The following KHDRBS2 variants were observed in gnomAD, a reference collection of about 807,000 sequenced individuals.
KHDRBS2 encodes KH domain-containing, RNA-binding, signal transduction-associated protein 2.
In KHDRBS2, 26 loss-of-function variants were observed where a neutral mutation model predicts 44.3. The observed-to-expected ratio is 0.59, with a 90% CI of 0.43 to 0.81. KHDRBS2 has a LOEUF of 0.81. Among genes scored for constraint, KHDRBS2 ranks in the 40% least tolerant of loss-of-function variants. The pLI, the probability that KHDRBS2 is intolerant of heterozygous loss-of-function variation, is 0.00. For synonymous variants in KHDRBS2, 194 were observed against 151.1 expected (o/e 1.28, Z -2.08); for missense variants, 476 against 433.1 (o/e 1.10, Z -0.88).
rs574498506 is a variant in KHDRBS2 at position 62,093,181 on chromosome 6, T to A, written c.220-45187A>T. ...CAACAATATGTACAATAAAACAGGA[T>A]AAAACTAAGAAAATGGAGAAATTAT... is the stretch of plus-strand genomic sequence containing the variant. On this transcript the variant is annotated intron_variant, in intron 2 of 8. Transcript: ENST00000281156. 1.8e-3 allele frequency among the ~76,000 whole-genome samples: 260 copies of A among 144,784 alleles called. 1 individual carries two copies. The highest frequency in any genetic ancestry group is 6.2e-3 in the African/African-American group (243 of 39,140). 95.0% of individuals were successfully genotyped at this position (144,784 alleles called of 152,430 possible).
intron 6 of KHDRBS2, among the ~76,000 whole-genome samples, chr6:61,780,547 A>C (rs1243235000): frequency 6.6e-6 from 1 of 151,870 alleles, no homozygotes; most frequent in Non-Finnish European, 1.5e-5. Flanking sequence ...ACAGCAAAAA[A>C]CACTTGCTGG....
chr6:61,942,003 C>T (rs1260096114), intron 4 of KHDRBS2, among the ~76,000 whole-genome samples: 1 of 151,928 alleles, frequency 6.6e-6, no homozygotes, highest in African/African-American at 2.4e-5. Flanking sequence ...TTCTGTGACC[C>T]AGGCTGGAGT....
intron 6 of KHDRBS2, among the ~76,000 whole-genome samples, chr6:61,812,242 C>G (rs1249714298): frequency 6.6e-6 from 1 of 151,572 alleles, no homozygotes; most frequent in African/African-American, 2.4e-5. Context: ...TTAAAATAAC[C>G]CATGTGATTT....
At chr6:62,237,302 T>C (rs1281462484) in intron 1 of KHDRBS2, among the ~76,000 whole-genome samples, 5 of 152,218 alleles carry the variant, frequency 3.3e-5, no homozygotes, top group African/African-American at 1.2e-4. Flanking sequence ...GGTTGTGTTA[T>C]ATAAATATAA....
chr6:61,643,748 G>A, the KHDRBS2 span, among the ~76,000 whole-genome samples: 2 of 152,168 alleles, frequency 1.3e-5, no homozygotes, highest in African/African-American at 2.4e-5. Context: ...CAGCCCACTA[G>A]GAAGGTGAAA....
chr6:61,970,231 A>G (rs1410718623), intron 4 of KHDRBS2, among the ~76,000 whole-genome samples: 1 of 151,884 alleles, frequency 6.6e-6, no homozygotes, highest in Admixed American at 6.6e-5. Context: ...TCATTATTGA[A>G]CTCCCATGTT....
intron 3 of KHDRBS2, among the ~76,000 whole-genome samples, chr6:62,000,959 A>G (rs1295926109): frequency 1.3e-5 from 2 of 152,202 alleles, no homozygotes; most frequent in African/African-American, 4.8e-5. Flanking sequence ...AATAGTTCAA[A>G]AGAAAAATTA....
chr6:62,012,228 C>A (rs578199866), intron 3 of KHDRBS2, among the ~76,000 whole-genome samples: 1 of 152,166 alleles, frequency 6.6e-6, no homozygotes, highest in Non-Finnish European at 1.5e-5. Flanking sequence ...TCCTCATTAA[C>A]TATACCTCAG....
intron 6 of KHDRBS2, among the ~76,000 whole-genome samples, chr6:61,855,259 T>C (rs1311916539): frequency 6.6e-6 from 1 of 152,126 alleles, no homozygotes. Context: ...TGTTAGGATA[T>C]GAAGATCATT....
Position 62,116,884 on chromosome 6 carries a change from C to T in KHDRBS2, c.219+60301G>A, listed in dbSNP as rs374150312. 6.6e-5 allele frequency among the ~76,000 whole-genome samples: 10 copies of T among 152,218 alleles called. No homozygotes were observed. In the East Asian group the frequency reaches 1.9e-3, roughly 29 times the overall value. On this transcript the variant is annotated intron_variant, in intron 2 of 8. Transcript: ENST00000281156. ...ACCATATTAGTCTTTCCATGCCTGGCTTTTTTCACTTAATATAATGACCTC... is the reference window on the plus strand; with the variant it reads ...ACCATATTAGTCTTTCCATGCCTGGTTTTTTTCACTTAATATAATGACCTC...
chr6:62,138,950 C>T (rs768601162), intron 2 of KHDRBS2, among the ~76,000 whole-genome samples: 3 of 152,106 alleles, frequency 2.0e-5, no homozygotes, highest in African/African-American at 4.8e-5. Context: ...TGTATAAAAA[C>T]GGCCATGGGC....
At chr6:61,956,764 C>T (rs1237167369) in intron 4 of KHDRBS2, among the ~76,000 whole-genome samples, 1 of 152,150 alleles carries the variant, frequency 6.6e-6, no homozygotes, top group Non-Finnish European at 1.5e-5. Context: ...GTGACCCAGA[C>T]CCAAAACACA....
At chr6:61,947,432 C>A (rs1813595135) in intron 4 of KHDRBS2, among the ~76,000 whole-genome samples, 1 of 152,078 alleles carries the variant, frequency 6.6e-6, no homozygotes. Context: ...TAAAAGCCCA[C>A]TAAATATTTG....
chr6:62,059,214 T>TG (rs1288854922), intron 2 of KHDRBS2, among the ~76,000 whole-genome samples: 4 of 120,204 alleles, frequency 3.3e-5, no homozygotes, highest in Non-Finnish European at 5.1e-5. Context: ...TTTTTTTTTT[T>TG]TTTTTTTTTT....
At chr6:61,856,938 A>T (rs1463171108) in intron 6 of KHDRBS2, among the ~76,000 whole-genome samples, 1 of 152,134 alleles carries the variant, frequency 6.6e-6, no homozygotes, top group Non-Finnish European at 1.5e-5. Context: ...TTCTTTGTCC[A>T]GAAAATGAGA....
chr6:61,902,795 T>C (rs1397599472), intron 4 of KHDRBS2, among the ~76,000 whole-genome samples: 1 of 152,052 alleles, frequency 6.6e-6, no homozygotes, highest in Non-Finnish European at 1.5e-5. Context: ...TGCATATGTG[T>C]GGTATTGATG....
intron 6 of KHDRBS2, among the ~76,000 whole-genome samples, chr6:61,817,914 A>C (rs1789242692): frequency 6.6e-6 from 1 of 152,086 alleles, no homozygotes; most frequent in Admixed American, 6.6e-5. Context: ...TTCTGTAATT[A>C]GAGTGTTGAT....
At chr6:61,898,398 T>C (rs1172736810) in intron 5 of KHDRBS2, among the ~76,000 whole-genome samples, 3 of 152,030 alleles carry the variant, frequency 2.0e-5, no homozygotes, top group African/African-American at 7.2e-5. Flanking sequence ...TTTAATGTTT[T>C]ATTGTAAGTC....
chr6:62,020,788 T>C (rs181708748), intron 3 of KHDRBS2, among the ~76,000 whole-genome samples: 6 of 152,044 alleles, frequency 3.9e-5, no homozygotes, highest in Admixed American at 2.0e-4. Context: ...TCAAATCTTT[T>C]CCCATGTTTT....
Sources: allele counts gnomAD v4.1 joint callset (sites outside exome capture counted in the v4.1 genomes callset), GRCh38; gene constraint gnomAD v4.1.1; transcripts MANE v1.5; gene names NCBI Gene and HGNC (gene_info 2026-07-23, HGNC 2026-07-21).